The following ARHGAP15 variants were observed in gnomAD, a reference collection of about 807,000 sequenced individuals.
The protein encoded by ARHGAP15 is Rho GTPase activating protein 15, also known as rho GTPase-activating protein 15.
ARHGAP15 carries 51 observed loss-of-function variants against 63.7 expected under a neutral mutation model. The ratio of observed to expected loss-of-function variants is 0.80; its 90% confidence interval spans 0.64 to 1.01. The LOEUF (loss-of-function observed/expected upper bound fraction) is 1.01. Among genes scored for constraint, ARHGAP15 ranks in the 50% least tolerant of loss-of-function variants. The probability of loss-of-function intolerance (pLI) is 0.00; values close to 1 mark genes in which losing one functional copy is unlikely to be tolerated. For synonymous variants in ARHGAP15, 191 were observed against 193.8 expected, an observed-to-expected ratio of 0.99 and a Z score of 0.12; for missense variants, 560 against 564.6, an observed-to-expected ratio of 0.99 and a Z score of 0.08.
At chr2:143,535,949 T>A (rs1008773371) in intron 10 of ARHGAP15, among the ~76,000 whole-genome samples, 2 of 152,188 alleles carry the variant, frequency 1.3e-5, no homozygotes, top group Admixed American at 1.3e-4. Context: ...GGATAATGTA[T>A]GTTTTTTTCA....
chr2:143,263,261 C>A (rs1223564806), intron 6 of ARHGAP15, among the ~76,000 whole-genome samples: 2 of 152,096 alleles, frequency 1.3e-5, no homozygotes, highest in South Asian at 2.1e-4. Flanking sequence ...TCATGAATCA[C>A]CCCACATTGC....
intron 10 of ARHGAP15, among the ~76,000 whole-genome samples, chr2:143,536,886 C>A (rs976111798): frequency 1.3e-5 from 2 of 152,106 alleles, no homozygotes; most frequent in African/African-American, 2.4e-5. Context: ...TGGGTATATA[C>A]CCAGTAATGA....
intron 2 of ARHGAP15, among the ~76,000 whole-genome samples, chr2:143,194,092 C>T (rs1256516841): frequency 2.6e-5 from 4 of 152,122 alleles, no homozygotes; most frequent in African/African-American, 9.7e-5. Context: ...GGTGATTTGA[C>T]AATGATTTGT....
chr2:143,207,406 A>G (rs1160627352), intron 3 of ARHGAP15, among the ~76,000 whole-genome samples: 1 of 151,788 alleles, frequency 6.6e-6, no homozygotes, highest in Non-Finnish European at 1.5e-5. Flanking sequence ...CTTGCAATTT[A>G]TCTCTTTTTT....
At chr2:143,235,974 C>T (rs958844517) in intron 5 of ARHGAP15, 3 of 1,544,610 alleles carry the variant, frequency 1.9e-6, no homozygotes, top group South Asian at 1.2e-5. Context: ...TCAGGAGGCA[C>T]CTGACCATGT....
chr2:143,189,681 C>T (rs549674444), intron 2 of ARHGAP15, among the ~76,000 whole-genome samples: 4 of 151,656 alleles, frequency 2.6e-5, no homozygotes, highest in Non-Finnish European at 2.9e-5. Flanking sequence ...AGGCTGGTAT[C>T]GAACTCCTGA....
At chr2:143,765,524 T>C (rs974959151) in intron 13 of ARHGAP15, among the ~76,000 whole-genome samples, 1 of 152,138 alleles carries the variant, frequency 6.6e-6, no homozygotes. Flanking sequence ...CAGGTACAAA[T>C]GCTATCTGCT....
intron 13 of ARHGAP15, among the ~76,000 whole-genome samples, chr2:143,708,693 C>T (rs1385874015): frequency 6.6e-6 from 1 of 151,872 alleles, no homozygotes; most frequent in Non-Finnish European, 1.5e-5. Flanking sequence ...TTGGGGCAGG[C>T]ATAAGGAAAT....
chr2:143,481,154 G>C (rs1399812229), intron 8 of ARHGAP15, among the ~76,000 whole-genome samples: 1 of 151,862 alleles, frequency 6.6e-6, no homozygotes, highest in Non-Finnish European at 1.5e-5. Flanking sequence ...GTGGTAAGAT[G>C]ATGGCACTAA....
At chr2:143,576,200 G>A (rs1173294816) in intron 11 of ARHGAP15, among the ~76,000 whole-genome samples, 12 of 152,122 alleles carry the variant, frequency 7.9e-5, no homozygotes, top group Admixed American at 7.2e-4. Flanking sequence ...ATGTGCCACT[G>A]AAGGGAATTC....
chr2:143,498,539 A>G (rs539948064), intron 9 of ARHGAP15, among the ~76,000 whole-genome samples: 25 of 152,312 alleles, frequency 1.6e-4, no homozygotes, highest in Admixed American at 1.2e-3. Context: ...AACTTTATGT[A>G]GCATTGCTCC....
At position 143,493,193 on chromosome 2, in the gene ARHGAP15, A is replaced by C. The variant is rs369637186; in HGVS notation, c.826+5698A>C. Reference sequence around the variant, plus strand: ...TAATATCACAACTCCCGTGACTCTCAAAGGGTAAGGCCCCTGATTATTGTG... The same window carrying C: ...TAATATCACAACTCCCGTGACTCTCCAAGGGTAAGGCCCCTGATTATTGTG... On this transcript the variant is annotated intron_variant, in intron 9 of 13. Coordinates refer to ENST00000295095, the MANE Select transcript of ARHGAP15 (RefSeq NM_018460.4). Among the ~76,000 whole-genome samples, 25 of 152,310 alleles carry C rather than the reference A, an allele frequency of 1.6e-4. 1 individual carries two copies. In the South Asian group the frequency reaches 1.7e-3, roughly 10 times the overall value.
At chr2:143,564,694 C>G (rs550192785) in intron 11 of ARHGAP15, among the ~76,000 whole-genome samples, 1 of 152,098 alleles carries the variant, frequency 6.6e-6, no homozygotes, top group Non-Finnish European at 1.5e-5. Flanking sequence ...GAGGGGAAGT[C>G]TTCTCTTTGG....
chr2:143,630,784 G>C (rs2105253960), intron 12 of ARHGAP15, among the ~76,000 whole-genome samples: 1 of 151,992 alleles, frequency 6.6e-6, no homozygotes, highest in East Asian at 1.9e-4. Flanking sequence ...TCTTTCTATA[G>C]TTTATTTTTA....
chr2:143,278,992 A>C (rs1681711107), intron 6 of ARHGAP15, among the ~76,000 whole-genome samples: 2 of 152,088 alleles, frequency 1.3e-5, no homozygotes, highest in South Asian at 4.2e-4. Context: ...TTTAAGTACA[A>C]ATGCTGCCTC....
At chr2:143,496,854 A>T (rs1259590727) in intron 9 of ARHGAP15, among the ~76,000 whole-genome samples, 2 of 152,228 alleles carry the variant, frequency 1.3e-5, no homozygotes, top group Non-Finnish European at 2.9e-5. Context: ...TTTTGTTTTT[A>T]GCCAATGACC....
intron 13 of ARHGAP15, among the ~76,000 whole-genome samples, chr2:143,762,960 C>CTTGAAG (rs1029303484): frequency 6.6e-6 from 1 of 152,124 alleles, no homozygotes; most frequent in African/African-American, 2.4e-5. Context: ...GCTCAAGCTA[C>CTTGAAG]TTGAAGTACA....
chr2:143,519,396 A>G (rs553842428), intron 10 of ARHGAP15, 32 bp downstream of exon 10: 1 of 1,533,578 alleles, frequency 6.5e-7, no homozygotes, highest in African/African-American at 1.4e-5. Context: ...AGTTCCCCCC[A>G]TTACTGCACC....
intron 6 of ARHGAP15, among the ~76,000 whole-genome samples, chr2:143,397,241 T>G (rs1324240320): frequency 1.0e-5 from 1 of 96,894 alleles, no homozygotes; most frequent in Non-Finnish European, 2.2e-5. Context: ...TGAAGATCAC[T>G]GATTTATGTG....
Sources: gnomAD v4.1 joint callset for allele counts (sites outside exome capture counted in the v4.1 genomes callset) on GRCh38, gnomAD v4.1.1 for gene constraint, MANE v1.5 for transcripts, NCBI Gene and HGNC (gene_info 2026-07-23, HGNC 2026-07-21) for gene names.